The following FBXL5 variants were observed in gnomAD, a reference collection of about 807,000 sequenced individuals.
FBXL5 encodes the protein F-box and leucine rich repeat protein 5, also known as F-box/LRR-repeat protein 5.
FBXL5 carries 26 observed loss-of-function variants against 78.3 expected under a neutral mutation model. That is an observed-to-expected ratio of 0.33 (90% confidence interval 0.24 to 0.46). FBXL5 has a LOEUF of 0.46. FBXL5 is among the 20% of genes least tolerant of loss of function. The pLI, the probability that FBXL5 is intolerant of heterozygous loss-of-function variation, is 1.00. For synonymous variants in FBXL5, 295 were observed against 282.5 expected (o/e 1.04, Z -0.45); for missense variants, 710 against 829.2 (o/e 0.86, Z 1.77).
intron 9 of FBXL5, among the ~76,000 whole-genome samples, chr4:15,613,755 G>A (rs1722430473): frequency 6.6e-6 from 1 of 152,008 alleles, no homozygotes; most frequent in Non-Finnish European, 1.5e-5. Flanking sequence ...ATTTCTCTAA[G>A]TGTGTCCTTC....
chr4:15,679,063 ATTTT>A (rs60866290), intron 1 of FBXL5, among the ~76,000 whole-genome samples: 2 of 118,746 alleles, frequency 1.7e-5, no homozygotes. Flanking sequence ...TAAAATCTCT[ATTTT>A]TTTTTTTTTT....
upstream of FBXL5, among the ~76,000 whole-genome samples, chr4:15,659,316 C>T (rs990664815): frequency 2.6e-5 from 4 of 152,122 alleles, no homozygotes; most frequent in Non-Finnish European, 5.9e-5. Context: ...CAGTAATATA[C>T]ATATATGGTT....
At chr4:15,644,434 A>G (rs374437739) in intron 2 of FBXL5, 59 bp downstream of exon 2, 8 of 1,388,870 alleles carry the variant, frequency 5.8e-6, no homozygotes, top group African/African-American at 4.3e-5. Context: ...AGTTTTGCCA[A>G]TGATATACCA....
chr4:15,608,328 A>C (rs1577415587), intron 10 of FBXL5, among the ~76,000 whole-genome samples: 2 of 152,182 alleles, frequency 1.3e-5, no homozygotes, highest in South Asian at 4.2e-4. Context: ...ACCTGACATG[A>C]CACAGTTTTT....
chr4:15,679,209 C>A (rs1418862230), intron 1 of FBXL5, among the ~76,000 whole-genome samples: 1 of 151,834 alleles, frequency 6.6e-6, no homozygotes, highest in Non-Finnish European at 1.5e-5. Context: ...ATTATAGGCA[C>A]GTGCCACCAC....
chr4:15,680,189 T>C (rs1718167803), intron 1 of FBXL5, among the ~76,000 whole-genome samples: 1 of 151,728 alleles, frequency 6.6e-6, no homozygotes, highest in Admixed American at 6.6e-5. Context: ...TATATTCTCA[T>C]CTGCTTGTAT....
At chr4:15,677,723 C>T (rs1718047350) in intron 1 of FBXL5, among the ~76,000 whole-genome samples, 1 of 152,134 alleles carries the variant, frequency 6.6e-6, no homozygotes. Context: ...TTGGCTGTTC[C>T]CAAGTTGTAT....
upstream of FBXL5, among the ~76,000 whole-genome samples, chr4:15,659,568 A>C (rs1717207240): frequency 6.6e-6 from 1 of 152,174 alleles, no homozygotes; most frequent in South Asian, 2.1e-4. Flanking sequence ...CATTCCTTAG[A>C]TCTCCTTTTG....
intron 5 of FBXL5, among the ~76,000 whole-genome samples, chr4:15,632,787 A>G (rs184317468): frequency 2.6e-5 from 4 of 152,216 alleles, no homozygotes; most frequent in Non-Finnish European, 4.4e-5. Flanking sequence ...GTTGCTTATC[A>G]GCTTAAGGAG....
At position 15,630,743 on chromosome 4, in the gene FBXL5, T is replaced by A; in HGVS notation, c.815A>T (p.Asp272Val). The change falls in exon 6 of 11, where the codon GAT becomes GTT. Residue 272 changes from aspartate to valine, a missense_variant. Physicochemically the swap from Asp to Val is radical, Grantham distance 152. Around this residue, in one of 4 missense-constraint regions of FBXL5, gnomAD observed 517 missense variants for 542.9 expected, o/e 0.95. Coordinates refer to ENST00000341285, the MANE Select transcript of FBXL5 (RefSeq NM_012161.4). ...PATELDTEPDDEWVKNRKDES... is the reference protein window; with the variant it reads ...PATELDTEPDVEWVKNRKDES... ...ATCTTTCCTATTTTTCACCCATTCA[T>A]CATCAGGTTCAGTATCAAGTTCAGT... 6.2e-7 allele frequency: 1 copy of A among 1,610,510 alleles called. No homozygotes were observed. The highest frequency in any genetic ancestry group is 8.5e-7 in the Non-Finnish European group (1 of 1,178,974).
At chr4:15,671,873 C>A (rs556952277) in intron 1 of FBXL5, among the ~76,000 whole-genome samples, 33 of 152,298 alleles carry the variant, frequency 2.2e-4, no homozygotes, top group Admixed American at 5.9e-4. Flanking sequence ...TCACACACTG[C>A]AGTTTTCATC....
intron 9 of FBXL5, among the ~76,000 whole-genome samples, chr4:15,616,044 T>G (rs1017730171): frequency 6.7e-6 from 1 of 150,304 alleles, no homozygotes; most frequent in African/African-American, 2.5e-5. Context: ...CCGGGAGGAA[T>G]GAACAACTCC....
chr4:15,606,300 A>T (rs538994128), intron 10 of FBXL5, among the ~76,000 whole-genome samples: 2 of 152,298 alleles, frequency 1.3e-5, no homozygotes, highest in Non-Finnish European at 1.5e-5. Flanking sequence ...ATTTTTATTT[A>T]GTATTTGTAG....
chr4:15,606,944 T>A (rs180947415), intron 10 of FBXL5, among the ~76,000 whole-genome samples: 7 of 152,304 alleles, frequency 4.6e-5, no homozygotes, highest in Admixed American at 3.9e-4. Flanking sequence ...ACCATAACAA[T>A]TACTTCCAAC....
At chr4:15,654,001 T>A (rs1429480630) in intron 1 of FBXL5, among the ~76,000 whole-genome samples, 1 of 152,204 alleles carries the variant, frequency 6.6e-6, no homozygotes, top group Admixed American at 6.5e-5. Context: ...GAACTGGGTG[T>A]TTCTAAATTT....
chr4:15,624,915 G>A (rs1399523041), intron 9 of FBXL5, among the ~76,000 whole-genome samples: 1 of 152,144 alleles, frequency 6.6e-6, no homozygotes, highest in Non-Finnish European at 1.5e-5. Context: ...AACAGAATAT[G>A]CATATTTTCT....
chr4:15,663,876 C>A (rs902990772), upstream of FBXL5, among the ~76,000 whole-genome samples: 3 of 152,122 alleles, frequency 2.0e-5, no homozygotes, highest in East Asian at 5.8e-4. Flanking sequence ...CATTGACTTA[C>A]CCTGGCTAAT....
chr4:15,660,225 G>A (rs112390482), upstream of FBXL5, among the ~76,000 whole-genome samples: 2 of 152,010 alleles, frequency 1.3e-5, no homozygotes, highest in South Asian at 2.1e-4. Flanking sequence ...CTACAGGCCC[G>A]TGCCACCACA....
chr4:15,666,041 C>A (rs769873974), intron 1 of FBXL5, among the ~76,000 whole-genome samples: 1 of 151,776 alleles, frequency 6.6e-6, no homozygotes, highest in Non-Finnish European at 1.5e-5. Flanking sequence ...AAAAAATGAC[C>A]ATTTCCTCAT....
Sources: gnomAD v4.1 joint callset for allele counts (sites outside exome capture counted in the v4.1 genomes callset) on GRCh38, gnomAD v4.1.1 for gene constraint, gnomAD v4.1.1 regional missense constraint, MANE v1.5 for transcripts, NCBI Gene and HGNC (gene_info 2026-07-23, HGNC 2026-07-21) for gene names.